The following SPACA3 variants were observed in gnomAD, a reference collection of about 807,000 sequenced individuals.
The protein encoded by SPACA3 is sperm acrosome associated 3, also known as sperm acrosome membrane-associated protein 3.
SPACA3 carries 21 observed loss-of-function variants against 24.5 expected under a neutral mutation model. The ratio of observed to expected loss-of-function variants is 0.86; its 90% confidence interval spans 0.61 to 1.24. The LOEUF is 1.24. Ranked by LOEUF, SPACA3 falls within the 50% of genes most tolerant of loss-of-function variation. The pLI is 0.00. For synonymous variants in SPACA3, 115 were observed against 106.9 expected (o/e 1.08, Z -0.47); for missense variants, 278 against 275.5 (o/e 1.01, Z -0.06).
Position 32,997,344 on chromosome 17 carries a change from T to TGTGTGTGTGTAGAGAG in SPACA3, c.503-101_503-100insGTGTGTGTGTAGAGAG, listed in dbSNP as rs140846693. On this transcript the variant is annotated intron_variant, in intron 3 of 4. Transcript: ENST00000269053. ...GTGTGTGTGTGTGTGTGTGTGTGTG[T>TGTGTGTGTGTAGAGAG]AGAGAGAGAGAGAGAGACAGACAGA... The TGTGTGTGTGTAGAGAG allele has an allele frequency of 2.1e-5, 13 of 605,256 alleles. No homozygotes were observed. The African/African-American group carries it at 2.4e-4, about 11-fold the overall frequency. The allele number at this position is 605,256 out of a possible 1,614,324, so 37.5% of individuals were successfully genotyped here. A position where few individuals can be genotyped will look rare whatever the true frequency, so the allele number is the denominator to read the frequency against.
chr17:32,995,353 C>T (rs149717333), intron 1 of SPACA3, 56 bp from the exon 2 acceptor site: 223 of 1,502,002 alleles, frequency 1.5e-4, no homozygotes, highest in East Asian at 8.4e-4. Flanking sequence ...GGGGCTGATA[C>T]GTGCTGCTGG....
chr17:32,994,959 C>A (rs2091712700), intron 1 of SPACA3, among the ~76,000 whole-genome samples: 1 of 152,144 alleles, frequency 6.6e-6, no homozygotes, highest in African/African-American at 2.4e-5. Flanking sequence ...GGAGAAAGAG[C>A]AGCTTCCCCT....
At chr17:32,996,735 C>T in intron 2 of SPACA3, 108 bp from the exon 3 acceptor site, 1 of 1,253,686 alleles carries the variant, frequency 8.0e-7, no homozygotes, top group Non-Finnish European at 1.0e-6. Flanking sequence ...TCACCTTGAT[C>T]AGGCAGGAGA....
chr17:32,997,552 C>T (rs191781276), intron 4 of SPACA3, 29 bp downstream of exon 4: 34 of 1,600,948 alleles, frequency 2.1e-5, no homozygotes, highest in Admixed American at 3.3e-5. Flanking sequence ...AGCCCCGCAG[C>T]GGTGGTATGG....
intron 2 of SPACA3, 94 bp downstream of exon 2, chr17:32,995,811 G>A (rs1567711811): frequency 8.5e-6 from 12 of 1,412,470 alleles, no homozygotes; most frequent in Non-Finnish European, 8.6e-6. Flanking sequence ...CTGTGGCTTC[G>A]GGAGCTTTTA....
chr17:32,997,312 AGT>A (rs376224282), intron 3 of SPACA3, 131 bp from the exon 4 acceptor site: 48,396 of 468,432 alleles, frequency 0.1, 95 homozygotes, highest in Non-Finnish European at 0.12. Context: ...AGGCGAGTGG[AGT>A]GTGTGTGTGT....
chr17:32,997,346 G>GTGTGTGTGTGT (rs2091728584), intron 3 of SPACA3, 99 bp from the exon 4 acceptor site: 3 of 399,630 alleles, frequency 7.5e-6, no homozygotes, highest in Middle Eastern at 4.0e-4. Context: ...TGTGTGTGTA[G>GTGTGTGTGTGT]AGAGAGAGAG....
Position 32,995,564 on chromosome 17 carries a change from T to C in SPACA3, c.190T>C (p.Trp64Arg), listed in dbSNP as rs765703986. The C allele has an allele frequency of 3.2e-5, 52 of 1,614,054 alleles. No individual in the cohort carries two copies. The highest frequency in any genetic ancestry group is 4.1e-5 in the Non-Finnish European group (48 of 1,180,034). The change falls in exon 2 of 5, where the codon TGG becomes CGG. Residue 64 changes from tryptophan to arginine, a missense_variant. Transcript: ENST00000269053. The part of the protein sequence containing the change: ...EARSRALRRR[W>R]CPAGIMLLAL... ...CAGGAGCAGGGCTCTCAGAAGGCGG[T>C]GGTGCCCAGCTGGGATCATGTTGTT...
At position 32,995,524 on chromosome 17, in the gene SPACA3, C is replaced by G. The variant is rs371593939; in HGVS notation, c.150C>G (p.Ala50=). Residue 50 remains alanine (A), a synonymous_variant, in exon 2 of 5, where the codon GCC becomes GCG. Transcript: ENST00000269053. ...LSQSGGGSTS[A]AGIEARSRAL... is the part of the protein sequence containing the mutation. ...AGAGTGGTGGTGGCTCCACCTCTGC[C>G]GCCGGCATAGAAGCCAGGAGCAGGG... 1.2e-6 allele frequency: 2 copies of G among 1,614,172 alleles called. No homozygotes were observed. The highest frequency in any genetic ancestry group is 2.2e-5 in the South Asian group (2 of 91,078).
chr17:32,993,636 G>A (rs755046279), intron 1 of SPACA3, among the ~76,000 whole-genome samples: 8 of 152,084 alleles, frequency 5.3e-5, no homozygotes, highest in Admixed American at 3.3e-4. Flanking sequence ...TTCAGCGCGC[G>A]GTGATGGCAG....
chr17:32,995,816 C>G lies in SPACA3; in HGVS notation c.343+99C>G. 2.3e-6 allele frequency: 3 copies of G among 1,321,666 alleles called. No individual in the cohort carries two copies. In the South Asian group the frequency reaches 4.4e-5, roughly 19 times the overall value. The allele number at this position is 1,321,666 out of a possible 1,614,324, so 81.9% of individuals were successfully genotyped here. A position where few individuals can be genotyped will look rare whatever the true frequency, so the allele number is the denominator to read the frequency against. On this transcript the variant is annotated intron_variant, in intron 2 of 4. Transcript: ENST00000269053. ...CATTCAAGGGCTGTGGCTTCGGGAG[C>G]TTTTAGAGCCCTTCTGTAAACTGAA...
chr17:32,993,022 G>C, intron 1 of SPACA3: 1 of 460,752 alleles, frequency 2.2e-6, no homozygotes, highest in East Asian at 7.0e-5. Context: ...ACCTAGGAAA[G>C]GACGGTGCTC....
chr17:32,997,504 C>T lies in SPACA3; in HGVS notation c.562C>T (p.Pro188Ser). ...VICAMKITQEPQGLGYWEAWR... is the reference protein window; with the variant it reads ...VICAMKITQESQGLGYWEAWR... The stretch of plus-strand genomic sequence containing the variant: ...CTGTGCCATGAAGATAACCCAAGAG[C>T]CTCAGGGTCTGGGTTACTGGTAAGT... The change falls in exon 4 of 5, where the codon CCT (proline) becomes TCT (serine). Residue 188 changes from proline (P) to serine (S), a missense_variant. By Grantham distance (74) the Pro-to-Ser change is moderately conservative (BLOSUM62 -1). Coordinates refer to ENST00000269053, the MANE Select transcript of SPACA3 (RefSeq NM_173847.5). 6.2e-7 allele frequency: 1 copy of T among 1,614,096 alleles called. No individual in the cohort carries two copies. The highest frequency in any genetic ancestry group is 8.5e-7 in the Non-Finnish European group (1 of 1,179,986).
chr17:32,995,067 T>C lies in SPACA3; in HGVS notation c.35-342T>C, dbSNP rs1431813683. ...TGCCAGAAGGGCTGTCCCTTGACAG[T>C]TGGGCTGAGAGACCCATGAACACAC... On this transcript the variant is annotated intron_variant, in intron 1 of 4. Transcript: ENST00000269053. 2.6e-5 allele frequency among the ~76,000 whole-genome samples: 4 copies of C among 152,184 alleles called. 1 individual carries two copies. Among genetic ancestry groups the C allele is most frequent in the Admixed American group, 2.0e-4 (3 of 15,282 alleles).
rs2091726001 is a variant in SPACA3 at position 32,996,941 on chromosome 17, CG to C, written c.444del (p.Arg149GlyfsTer22). ...TNNGIFQINS[R>X]RWCSNLTPNV... ...CAACGGGATCTTCCAGATCAACAGC[CG>C]GAGGTGGTGCAGCAACCTCACCCCG... On this transcript the variant is annotated frameshift_variant, in exon 3 of 5. Coordinates refer to ENST00000269053, the MANE Select transcript of SPACA3 (RefSeq NM_173847.5). LOFTEE classifies it high-confidence loss of function. 6.2e-7 allele frequency: 1 copy of C among 1,606,120 alleles called. No individual in the cohort carries two copies. The highest frequency in any genetic ancestry group is 2.3e-5 in the East Asian group (1 of 44,366).
Position 32,991,955 on chromosome 17 carries a change from G to C in SPACA3, c.17G>C (p.Arg6Pro), listed in dbSNP as rs776577098. Residue 6 changes from arginine (R) to proline (P), a missense_variant, in exon 1 of 5, where the codon CGG (arginine) becomes CCG (proline). Arg to Pro is a moderately radical substitution (Grantham distance 103). Coordinates refer to ENST00000269053, the MANE Select transcript of SPACA3 (RefSeq NM_173847.5). ...ATTGTCACCATGGTCTCAGCTCTGC[G>C]GGGAGCACCCCTGATCAGTGAGCCC... MVSAL[R>P]GAPLIRVHSS... 4 of 1,613,768 alleles carry C rather than the reference G, an allele frequency of 2.5e-6. No homozygotes were observed. The African/African-American group carries it at 5.3e-5, about 22-fold the overall frequency.
rs2091733044 is a variant in SPACA3 at position 32,997,873 on chromosome 17, G to A, written c.*95G>A. ...GCCAGCGAATAAAGGATGGTTGAAC[G>A]TGAATATGGCTCTCAGCTCTCAGTG... On this transcript the variant is annotated 3_prime_UTR_variant, in exon 5 of 5. Coordinates refer to ENST00000269053, the MANE Select transcript of SPACA3 (RefSeq NM_173847.5). 10 of 1,294,666 alleles carry A rather than the reference G, an allele frequency of 7.7e-6. No individual in the cohort carries two copies. The South Asian group carries it at 9.6e-5, about 12-fold the overall frequency. The allele number at this position is 1,294,666 out of a possible 1,614,324, so 80.2% of individuals were successfully genotyped here.
intron 1 of SPACA3, among the ~76,000 whole-genome samples, chr17:32,993,622 C>T (rs1329129431): frequency 3.3e-5 from 5 of 152,038 alleles, no homozygotes. Context: ...ACCCGCAGAG[C>T]AGTTTCAGCG....
rs71144856 is a variant in SPACA3, at chr17:32,996,488, C to CAAA, written c.344-338_344-336dup. ...TGGGCAACAGAGTGAGACTCCGTCT[C>CAAA]AAAAAAAAAAAAAAAAAAAGATTTA... On this transcript the variant is annotated intron_variant, in intron 2 of 4. Coordinates refer to ENST00000269053, the MANE Select transcript of SPACA3 (RefSeq NM_173847.5). Among the ~76,000 whole-genome samples the CAAA allele has an allele frequency of 3.8e-3, 395 of 103,588 alleles. 4 individuals carry two copies. Among genetic ancestry groups the CAAA allele is most frequent in the African/African-American group, 0.013 (382 of 28,590 alleles). The allele number at this position is 103,588 out of a possible 152,430, so 68.0% of individuals were successfully genotyped here. A position where few individuals can be genotyped will look rare whatever the true frequency, so the allele number is the denominator to read the frequency against.
Sources: gnomAD v4.1 joint callset for allele counts (sites outside exome capture counted in the v4.1 genomes callset) on GRCh38, gnomAD v4.1.1 for gene constraint, MANE v1.5 for transcripts, NCBI Gene and HGNC (gene_info 2026-07-23, HGNC 2026-07-21) for gene names.